NWD1: variants seen among roughly 807,000 people sequenced by gnomAD.
NWD1 encodes NACHT domain- and WD repeat-containing protein 1.
NWD1 carries 129 observed loss-of-function variants against 135.1 expected under a neutral mutation model. The observed-to-expected ratio is 0.96, with a 90% CI of 0.83 to 1.11. NWD1 has a LOEUF of 1.11. Among genes scored for constraint, NWD1 ranks in the 50% least tolerant of loss-of-function variants. NWD1 has a pLI of 0.00. For synonymous variants in NWD1, 773 were observed against 786.0 expected (o/e 0.98, Z 0.28); for missense variants, 1,740 against 1,851.3 (o/e 0.94, Z 1.10).
At chr19:16,803,323 C>A (rs1342746285) in intron 17 of NWD1, among the ~76,000 whole-genome samples, 3 of 152,034 alleles carry the variant, frequency 2.0e-5, no homozygotes, top group Non-Finnish European at 4.4e-5. Flanking sequence ...TTCATAGCAA[C>A]ACCAACAGAC....
rs539888379 is a variant in NWD1, at chr19:16,812,366, G to T, written c.4288-2662G>T. 2.0e-5 allele frequency among the ~76,000 whole-genome samples: 3 copies of T among 151,538 alleles called. No homozygotes were observed. In the East Asian group the frequency reaches 5.8e-4, roughly 29 times the overall value. ...GGTTTCCTGGGTGTCTTTCAGTTTG[G>T]AATCAAGATCATATTGTCTGGGTCA... On this transcript the variant is annotated intron_variant, in intron 18 of 18. Transcript: ENST00000524140.
intron 3 of NWD1, among the ~76,000 whole-genome samples, chr19:16,732,434 G>C (rs1010858996): frequency 1.3e-5 from 2 of 151,396 alleles, no homozygotes; most frequent in Non-Finnish European, 2.9e-5. Context: ...GGCCCTCTTC[G>C]TACTGGGCTT....
At chr19:16,727,409 G>C (rs1967370447) in intron 2 of NWD1, 1 of 152,708 alleles carries the variant, frequency 6.5e-6, no homozygotes, top group Non-Finnish European at 1.5e-5. Flanking sequence ...GCAGGTCACT[G>C]GGGGAGCCTC....
intron 11 of NWD1, among the ~76,000 whole-genome samples, chr19:16,775,242 C>T (rs566958175): frequency 6.6e-6 from 1 of 152,096 alleles, no homozygotes; most frequent in East Asian, 1.9e-4. Context: ...GATTCTAAGA[C>T]TGAAGCTAGC....
chr19:16,734,358 CTA>C (rs1967703594), intron 3 of NWD1, among the ~76,000 whole-genome samples: 1 of 151,966 alleles, frequency 6.6e-6, no homozygotes, highest in African/African-American at 2.4e-5. Flanking sequence ...ACCATCCTGG[CTA>C]ACACGGTGAA....
At chr19:16,742,201 C>G (rs990267996) in intron 4 of NWD1, among the ~76,000 whole-genome samples, 3 of 151,968 alleles carry the variant, frequency 2.0e-5, no homozygotes, top group African/African-American at 7.2e-5. Context: ...ATGGCGAAAC[C>G]CTGTCTCTAC....
At chr19:16,732,654 C>CAAAAAAAAAAAA (rs759471981) in intron 3 of NWD1, among the ~76,000 whole-genome samples, 9 of 30,320 alleles carry the variant, frequency 3.0e-4, no homozygotes, top group African/African-American at 2.1e-3. Context: ...GACTTCATCT[C>CAAAAAAAAAAAA]AAAAAAAAAA....
intron 5 of NWD1, among the ~76,000 whole-genome samples, chr19:16,748,394 A>G (rs996605499): frequency 6.6e-6 from 1 of 152,194 alleles, no homozygotes; most frequent in Admixed American, 6.5e-5. Context: ...TATTTTCAGC[A>G]GATACCTGGG....
intron 10 of NWD1, among the ~76,000 whole-genome samples, chr19:16,772,084 G>C (rs1969434098): frequency 6.6e-6 from 1 of 152,144 alleles, no homozygotes; most frequent in Non-Finnish European, 1.5e-5. Flanking sequence ...AAAAGGTTGA[G>C]TCTGAGCACA....
intron 14 of NWD1, 32 bp downstream of exon 14, chr19:16,791,654 T>A: frequency 1.2e-6 from 2 of 1,601,192 alleles, no homozygotes; most frequent in Non-Finnish European, 1.7e-6. Context: ...GATGTGAACA[T>A]TAACTCAGCT....
At position 16,762,125 on chromosome 19, in the gene NWD1, A is replaced by G. The variant is rs139860160; in HGVS notation, c.2120A>G (p.Asn707Ser). The stretch of plus-strand genomic sequence containing the variant: ...CTGCCACTTGTGGGGAAACCACTGA[A>G]CTTGGACCGAAAGGTGAGGTACCTG... ...ITLPLVGKPL[N>S]LDRKVAPQPL... The change falls in exon 8 of 19, where the codon AAC (asparagine) becomes AGC (serine). Residue 707 changes from asparagine (N) to serine (S), a missense_variant. By Grantham distance (46) the Asn-to-Ser change is conservative (BLOSUM62 1). Coordinates refer to ENST00000524140, the MANE Select transcript of NWD1 (RefSeq NM_001007525.5). The G allele has an allele frequency of 1.1e-4, 174 of 1,613,424 alleles. 2 individuals carry two copies. The African/African-American group carries it at 1.9e-3, about 18-fold the overall frequency.
At chr19:16,731,942 C>A (rs1009307691) in intron 3 of NWD1, among the ~76,000 whole-genome samples, 1 of 151,794 alleles carries the variant, frequency 6.6e-6, no homozygotes, top group Non-Finnish European at 1.5e-5. Flanking sequence ...TGGGACTGGG[C>A]GCGGTGGCTG....
intron 8 of NWD1, among the ~76,000 whole-genome samples, 187 bp from the exon 9 acceptor site, chr19:16,763,641 T>C (rs181618831): frequency 6.6e-6 from 1 of 152,276 alleles, no homozygotes; most frequent in Non-Finnish European, 1.5e-5. Context: ...TGGCTTTGAT[T>C]CTCTGAGTCC....
chr19:16,774,325 T>A (rs1330630650), intron 11 of NWD1, among the ~76,000 whole-genome samples: 1 of 118,968 alleles, frequency 8.4e-6, no homozygotes, highest in East Asian at 2.3e-4. Flanking sequence ...ACCACTTTCC[T>A]CTCCATCCAT....
At chr19:16,754,612 A>T (rs762174953) in intron 6 of NWD1, among the ~76,000 whole-genome samples, 1 of 146,784 alleles carries the variant, frequency 6.8e-6, no homozygotes. Context: ...TCTTCCTTTT[A>T]TCCATCATCT....
intron 13 of NWD1, 118 bp from the exon 14 acceptor site, chr19:16,791,232 T>G: frequency 2.2e-6 from 2 of 918,922 alleles, no homozygotes; most frequent in African/African-American, 1.7e-5. Context: ...AGGCTCTGTC[T>G]CCAAAAGAAA....
intron 1 of NWD1, among the ~76,000 whole-genome samples, chr19:16,723,111 G>A (rs528416297): frequency 3.3e-5 from 5 of 152,042 alleles, no homozygotes; most frequent in Admixed American, 2.0e-4. Flanking sequence ...GTGGCTCACT[G>A]CAGCCTCAAC....
chr19:16,758,188 G>A (rs1005502591), intron 6 of NWD1, among the ~76,000 whole-genome samples: 2 of 152,160 alleles, frequency 1.3e-5, no homozygotes, highest in East Asian at 3.8e-4. Context: ...TTAAAACTTT[G>A]AAAGATGGTT....
intron 5 of NWD1, chr19:16,745,295 T>C: frequency 3.1e-6 from 1 of 324,378 alleles, no homozygotes; most frequent in Non-Finnish European, 6.1e-6. Context: ...CCACAGCACG[T>C]GTGAATTATG....
Sources: allele counts gnomAD v4.1 joint callset (sites outside exome capture counted in the v4.1 genomes callset), GRCh38; gene constraint gnomAD v4.1.1; transcripts MANE v1.5; gene names NCBI Gene and HGNC (gene_info 2026-07-23, HGNC 2026-07-21).